Variants in ERI2 observed in about 807,000 individuals in gnomAD.
The protein encoded by ERI2 is ERI1 exoribonuclease family member 2.
Under a neutral mutation model 46.8 loss-of-function variants are expected in ERI2, and 35 were observed. The ratio of observed to expected loss-of-function variants is 0.75; its 90% CI spans 0.57 to 0.99. ERI2 has a LOEUF of 0.99. Among genes scored for constraint, ERI2 ranks in the 50% least tolerant of loss-of-function variants. ERI2 has a pLI of 0.00. For synonymous variants in ERI2, 224 were observed against 271.0 expected (o/e 0.83, Z 1.70); for missense variants, 695 against 796.2 (o/e 0.87, Z 1.53).
Position 20,796,564 on chromosome 16 carries a change from GA to G in ERI2, c.*1159del. 6.3e-7 allele frequency: 1 copy of G among 1,587,588 alleles called. No homozygotes were observed. The highest frequency in any genetic ancestry group is 8.5e-7 in the Non-Finnish European group (1 of 1,173,412). ...CAAGTGTTTATTTTTACATTTTAAT[GA>G]ATATTTTCTTCACACATGCTGCACC... On this transcript the variant is annotated 3_prime_UTR_variant, in exon 9 of 9. Transcript: ENST00000357967.
chr16:20,803,417 C>T lies in ERI2; in HGVS notation c.175+16G>A, dbSNP rs370132762. 1.0e-4 allele frequency: 167 copies of T among 1,610,170 alleles called. 1 individual carries two copies. The East Asian group carries it at 2.3e-3, about 22-fold the overall frequency. On this transcript the variant is annotated intron_variant, in intron 3 of 8. Coordinates refer to ENST00000357967, the MANE Select transcript of ERI2 (RefSeq NM_001142725.2). Reference sequence around the variant, plus strand: ...TCATCTAGTGCCAGCTTTGGCCATTCGTAGCCCAGACTTACTTATTTCCTG... The same window carrying T: ...TCATCTAGTGCCAGCTTTGGCCATTTGTAGCCCAGACTTACTTATTTCCTG...
chr16:20,800,723 G>A (rs2080786520), intron 5 of ERI2: 1 of 200,012 alleles, frequency 5.0e-6, no homozygotes, highest in Non-Finnish European at 1.0e-5. Context: ...ACATTTTATA[G>A]TAACTGGAAA....
downstream of ERI2, chr16:20,796,241 G>T (rs1424309418): frequency 5.6e-6 from 8 of 1,431,136 alleles, no homozygotes; most frequent in Non-Finnish European, 7.4e-6. Flanking sequence ...ACAGAGCTGG[G>T]ATCAAACTTT....
downstream of ERI2, chr16:20,796,267 C>G: frequency 6.6e-7 from 1 of 1,503,782 alleles, no homozygotes; most frequent in Non-Finnish European, 8.9e-7. Flanking sequence ...AACACACTGG[C>G]CCACCCCACC....
intron 10 of ERI2, among the ~76,000 whole-genome samples, chr16:20,782,607 C>T (rs1056428587): frequency 2.0e-5 from 3 of 152,142 alleles, no homozygotes; most frequent in African/African-American, 7.2e-5. Flanking sequence ...ACATTATCTC[C>T]GTGGAGGCAG....
rs983081653 is a variant in ERI2, at chr16:20,786,499, C to T, written c.894+2980G>A. Among the ~76,000 whole-genome samples the T allele has an allele frequency of 4.6e-5, 7 of 152,110 alleles. No homozygotes were observed. The South Asian group carries it at 1.2e-3, about 27-fold the overall frequency. ...AGTTCAAGACCAGCCTGGGCAACAACGTGAGACTTTGTCTCTACAAAAAAA... is the reference window on the plus strand; with the variant it reads ...AGTTCAAGACCAGCCTGGGCAACAATGTGAGACTTTGTCTCTACAAAAAAA... On this transcript the variant is annotated intron_variant, in intron 10 of 10. Coordinates refer to the ERI2 transcript ENST00000300005.
chr16:20,797,903 A>G lies in ERI2; in HGVS notation c.1897T>C (p.Cys633Arg). 6.4e-7 allele frequency: 1 copy of G among 1,551,606 alleles called. No homozygotes were observed. The highest frequency in any genetic ancestry group is 8.7e-7 in the Non-Finnish European group (1 of 1,146,926). ...PIGKYQENRK[C>R]CGYFKWEQTL... ...TGTTCCCATTTGAAATAACCACAAC[A>G]TTTTCTGTTTTCTTGGTATTTCCCG... Residue 633 changes from cysteine to arginine, a missense_variant, in exon 9 of 9, where the codon TGT (cysteine) becomes CGT (arginine). Coordinates refer to ENST00000357967, the MANE Select transcript of ERI2 (RefSeq NM_001142725.2).
chr16:20,790,794 T>G lies in ERI2; in HGVS notation c.815+56A>C. On this transcript the variant is annotated intron_variant, in intron 9 of 10. Coordinates refer to the ERI2 transcript ENST00000300005. The surrounding 1 kb of genome is among the most constrained non-coding windows in gnomAD (Gnocchi z 4.0). Reference sequence around the variant, plus strand: ...CCTAGGATAGGTACTTGACCCTTTCTTGAGAGATTGGTTGTCCTGAATAGT... The same window carrying G: ...CCTAGGATAGGTACTTGACCCTTTCGTGAGAGATTGGTTGTCCTGAATAGT... 5.6e-6 allele frequency: 9 copies of G among 1,613,402 alleles called. No individual in the cohort carries two copies. Among genetic ancestry groups the G allele is most frequent in the Admixed American group, 1.7e-5 (1 of 59,934 alleles).
chr16:20,797,180 AT>A lies in ERI2; in HGVS notation c.*543del. On this transcript the variant is annotated 3_prime_UTR_variant, in exon 9 of 9. Coordinates refer to ENST00000357967, the MANE Select transcript of ERI2 (RefSeq NM_001142725.2). ...CCACATTAGTGTCAATGTTCCTATC[AT>A]TTCTTAATATAAAAATAATACCATC... The A allele has an allele frequency of 7.8e-7, 1 of 1,281,444 alleles. No individual in the cohort carries two copies. Among genetic ancestry groups the A allele is most frequent in the Non-Finnish European group, 9.9e-7 (1 of 1,014,788 alleles). The allele number at this position is 1,281,444 out of a possible 1,614,324, so 79.4% of individuals were successfully genotyped here. A position where few individuals can be genotyped will look rare whatever the true frequency, so the allele number is the denominator to read the frequency against.
intron 10 of ERI2, among the ~76,000 whole-genome samples, chr16:20,788,331 T>C (rs1046272413): frequency 1.3e-5 from 2 of 152,198 alleles, no homozygotes; most frequent in Non-Finnish European, 2.9e-5. Context: ...CCAACATGCA[T>C]GGCTATCAGG....
At position 20,800,385 on chromosome 16, in the gene ERI2, A is replaced by C. The variant is rs747746707; in HGVS notation, c.478T>G (p.Cys160Gly). The change falls in exon 6 of 9, where the codon TGC (cysteine) becomes GGC (glycine). Residue 160 changes from cysteine (C) to glycine (G), a missense_variant. Coordinates refer to ENST00000357967, the MANE Select transcript of ERI2 (RefSeq NM_001142725.2). ...TTTCTTTTACACTCATACTCCAGGCAAACCCCCAAGTCCCAGTCTGCATTA... is the reference window on the plus strand; with the variant it reads ...TTTCTTTTACACTCATACTCCAGGCCAACCCCCAAGTCCCAGTCTGCATTA... ...VTWSDWDLGV[C>G]LEYECKRKQL... is the part of the protein sequence containing the mutation. 5.0e-6 allele frequency: 8 copies of C among 1,608,090 alleles called. No homozygotes were observed. The highest frequency in any genetic ancestry group is 1.6e-4 in the Middle Eastern group (1 of 6,066).
exon 11 of ERI2, chr16:20,780,534 C>G: frequency 7.7e-7 from 1 of 1,297,994 alleles, no homozygotes; most frequent in South Asian, 1.5e-5. Flanking sequence ...AGTTTTGATT[C>G]TAGAAAGCAC....
chr16:20,797,782 C>A lies in ERI2; in HGVS notation c.2018G>T (p.Arg673Ile). 6.4e-7 allele frequency: 1 copy of A among 1,550,406 alleles called. No homozygotes were observed. Among genetic ancestry groups the A allele is most frequent in the East Asian group, 2.4e-5 (1 of 40,904 alleles). ...SSPETSHICD[R>I]NLSISTKNSL... ...ATTTTTGGTGGAAATACTTAAATTT[C>A]TGTCACAAATATGGCTTGTTTCTGG... Residue 673 changes from arginine (R) to isoleucine (I), a missense_variant, in exon 9 of 9, where the codon AGA becomes ATA. Transcript: ENST00000357967.
chr16:20,785,020 T>C (rs749349259), intron 10 of ERI2: 3 of 1,613,706 alleles, frequency 1.9e-6, no homozygotes, highest in East Asian at 2.2e-5. Flanking sequence ...GTGTGAGTGC[T>C]GGGGAACCAA....
At chr16:20,806,375 T>C (rs1441320221) in intron 1 of ERI2, 33 bp downstream of exon 1, 4 of 1,548,696 alleles carry the variant, frequency 2.6e-6, no homozygotes, top group Non-Finnish European at 3.5e-6. Context: ...GACCCGGAGC[T>C]ACCCGCCCCC....
Position 20,798,696 on chromosome 16 carries a change from A to G in ERI2, c.1104T>C (p.Ser368=). The G allele has an allele frequency of 6.4e-7, 1 of 1,551,732 alleles. No homozygotes were observed. The highest frequency in any genetic ancestry group is 8.7e-7 in the Non-Finnish European group (1 of 1,146,936). The change falls in exon 9 of 9, where the codon TCT becomes TCC. Residue 368 remains serine (S), a synonymous_variant. Coordinates refer to ENST00000357967, the MANE Select transcript of ERI2 (RefSeq NM_001142725.2). ...KNEHLAFNTK[S]KASTVGSELV... is the part of the protein sequence containing the mutation. ...ATTCTGAACCAACTGTTGAAGCCTT[A>G]GATTTGGTATTAAATGCAAGATGTT...
intron 10 of ERI2, chr16:20,781,073 G>A: frequency 1.2e-6 from 2 of 1,614,162 alleles, no homozygotes. Flanking sequence ...CGTGGATCCA[G>A]GGAGCATGTG....
At chr16:20,792,988 C>A (rs191048442), downstream of ERI2, among the ~76,000 whole-genome samples, 1,070 of 152,324 alleles carry the variant, frequency 7.0e-3, 4 homozygotes, top group Non-Finnish European at 0.012. Flanking sequence ...ACAAGTATTT[C>A]TTCAAGCCAT....
intron 10 of ERI2, among the ~76,000 whole-genome samples, chr16:20,787,850 T>C (rs1332571194): frequency 6.6e-6 from 1 of 152,190 alleles, no homozygotes; most frequent in Non-Finnish European, 1.5e-5. Flanking sequence ...ACCTGTCTGT[T>C]TGCCTGGGAC....
Sources: gnomAD v4.1 joint callset for allele counts (sites outside exome capture counted in the v4.1 genomes callset) on GRCh38, gnomAD v4.1.1 for gene constraint, Gnocchi (gnomAD v3.1) non-coding constraint, MANE v1.5 for transcripts, NCBI Gene and HGNC (gene_info 2026-07-23, HGNC 2026-07-21) for gene names.